The following SCGN variants were observed in gnomAD, a reference collection of about 807,000 sequenced individuals.
The protein encoded by SCGN is secretagogin, EF-hand calcium binding protein, also known as secretagogin.
Under a neutral mutation model 39.7 loss-of-function variants are expected in SCGN, and 30 were observed. The observed-to-expected ratio is 0.76, with a 90% CI of 0.57 to 1.03. The LOEUF (loss-of-function observed/expected upper bound fraction) is 1.03. Ranked by LOEUF, SCGN falls within the 50% of genes least tolerant of loss-of-function variation. The pLI is 0.00. For synonymous variants in SCGN, 106 were observed against 114.1 expected (o/e 0.93, Z 0.45); for missense variants, 353 against 349.4 (o/e 1.01, Z -0.08).
chr6:25,660,250 TG>T (rs1760313878), intron 2 of SCGN, among the ~76,000 whole-genome samples: 1 of 152,228 alleles, frequency 6.6e-6, no homozygotes, highest in Admixed American at 6.5e-5. Context: ...ATGTGGCAGC[TG>T]TTAATTCCCC....
At chr6:25,698,286 A>C (rs1375680045) in intron 10 of SCGN, among the ~76,000 whole-genome samples, 3 of 152,180 alleles carry the variant, frequency 2.0e-5, no homozygotes, top group Admixed American at 1.3e-4. Context: ...ATACACCAAA[A>C]ATATTTTCTA....
chr6:25,670,393 C>G (rs912574734), intron 6 of SCGN, among the ~76,000 whole-genome samples: 8 of 152,306 alleles, frequency 5.3e-5, no homozygotes, highest in East Asian at 1.9e-4. Flanking sequence ...AACAAGTAAA[C>G]ATGGACTTAG....
intron 6 of SCGN, among the ~76,000 whole-genome samples, chr6:25,680,002 A>C (rs1166497528): frequency 1.3e-5 from 2 of 152,104 alleles, no homozygotes; most frequent in Non-Finnish European, 2.9e-5. Context: ...CTTCTTAAAC[A>C]ACCTACTTCA....
At position 25,652,284 on chromosome 6, in the gene SCGN, C is replaced by T. The variant is rs1760146833; in HGVS notation, c.-120C>T. 1 of 807,336 alleles carries T rather than the reference C, an allele frequency of 1.2e-6. No individual in the cohort carries two copies. Among genetic ancestry groups the T allele is most frequent in the Non-Finnish European group, 2.1e-6 (1 of 478,418 alleles). The allele number at this position is 807,336 out of a possible 1,614,324, so 50.0% of individuals were successfully genotyped here. ...CTCGCGTCCTCCCCAGCAACAGTTA[C>T]TCAAAGCTAATCAGATAGCGAAAGA... On this transcript the variant is annotated 5_prime_UTR_variant, in exon 1 of 11. Transcript: ENST00000377961.
At chr6:25,655,665 A>AT (rs75709648) in intron 2 of SCGN, among the ~76,000 whole-genome samples, 38,425 of 151,690 alleles carry the variant, frequency 0.25, 4,882 homozygotes, top group Non-Finnish European at 0.27. Context: ...TGAGAATTAT[A>AT]TTTTTTTGTT....
intron 2 of SCGN, among the ~76,000 whole-genome samples, chr6:25,657,134 C>A (rs918187443): frequency 6.6e-6 from 1 of 152,102 alleles, no homozygotes; most frequent in Non-Finnish European, 1.5e-5. Flanking sequence ...TTAATCCCAC[C>A]ACGATTAGTG....
Position 25,664,994 on chromosome 6 carries a change from C to T in SCGN, c.298C>T (p.Arg100Trp), listed in dbSNP as rs567158105. 135 of 1,613,904 alleles carry T rather than the reference C, an allele frequency of 8.4e-5. 2 individuals are homozygous for T. The highest frequency in any genetic ancestry group is 7.0e-4 in the South Asian group (64 of 91,066). Residue 100 changes from arginine to tryptophan, a missense_variant, in exon 4 of 11, where the codon CGG becomes TGG. Arg to Trp is a moderately radical substitution (Grantham distance 101). Transcript: ENST00000377961. ...EDENFLLLFR[R>W]ENPLDSSVEF... ...TGAAAACTTTCTTCTGCTCTTTCGC[C>T]GGGAAAACCCACTGGACAGCAGCGT...
Position 25,652,473 on chromosome 6 carries a change from T to C in SCGN, c.70T>C (p.Phe24Leu). Reference sequence around the variant, plus strand: ...TGGCTTCTGGCAGGTCTGGCAGCGCTTTGATGCGGATGGTGAGTAGAACAA... The same window carrying C: ...TGGCTTCTGGCAGGTCTGGCAGCGCCTTGATGCGGATGGTGAGTAGAACAA... ...AAGFWQVWQR[F>L]DADEKGYIEE... The change falls in exon 1 of 11, where the codon TTT becomes CTT. Residue 24 changes from phenylalanine (F) to leucine (L), a missense_variant. Coordinates refer to ENST00000377961, the MANE Select transcript of SCGN (RefSeq NM_006998.4). 2 of 1,614,000 alleles carry C rather than the reference T, an allele frequency of 1.2e-6. No individual in the cohort carries two copies. Among genetic ancestry groups the C allele is most frequent in the African/African-American group, 1.3e-5 (1 of 75,040 alleles).
At chr6:25,692,699 G>A (rs1489186168) in intron 10 of SCGN, among the ~76,000 whole-genome samples, 1 of 152,224 alleles carries the variant, frequency 6.6e-6, no homozygotes, top group African/African-American at 2.4e-5. Flanking sequence ...GGCTGTGGGA[G>A]GCAGCTGGGC....
rs115782981 is a variant in SCGN at position 25,670,995 on chromosome 6, C to G, written c.471+919C>G. Among the ~76,000 whole-genome samples the G allele has an allele frequency of 6.3e-3, 965 of 152,192 alleles. 5 individuals carry two copies. Among genetic ancestry groups the G allele is most frequent in the Middle Eastern group, 0.031 (9 of 294 alleles). On this transcript the variant is annotated intron_variant, in intron 6 of 10. Coordinates refer to ENST00000377961, the MANE Select transcript of SCGN (RefSeq NM_006998.4). Reference sequence around the variant, plus strand: ...ATTAGTAAGCAAGGAAATTTGCTGACAAAGCCTTAATTACTTGTAGGATTG... The same window carrying G: ...ATTAGTAAGCAAGGAAATTTGCTGAGAAAGCCTTAATTACTTGTAGGATTG...
At chr6:25,664,736 T>A (rs544239603) in intron 3 of SCGN, among the ~76,000 whole-genome samples, 1 of 152,192 alleles carries the variant, frequency 6.6e-6, no homozygotes, top group Non-Finnish European at 1.5e-5. Flanking sequence ...TAGTGATTTA[T>A]ACTTAGTAGG....
intron 7 of SCGN, among the ~76,000 whole-genome samples, chr6:25,687,525 A>G (rs181382960): frequency 6.6e-6 from 1 of 152,082 alleles, no homozygotes; most frequent in South Asian, 2.1e-4. Flanking sequence ...TTTTATATTA[A>G]TCTGGTATTC....
chr6:25,676,680 A>T (rs958760739), intron 6 of SCGN, among the ~76,000 whole-genome samples: 37 of 151,948 alleles, frequency 2.4e-4, no homozygotes, highest in Admixed American at 5.9e-4. Flanking sequence ...ATGCTACTTA[A>T]TTTTTCCTCC....
chr6:25,700,263 T>A (rs1450087713), intron 10 of SCGN, among the ~76,000 whole-genome samples: 15 of 92,260 alleles, frequency 1.6e-4, no homozygotes, highest in East Asian at 6.4e-4. Flanking sequence ...AAAAAAAAAA[T>A]TTTGGGCCAG....
intron 6 of SCGN, among the ~76,000 whole-genome samples, chr6:25,675,282 C>T (rs544041851): frequency 1.3e-5 from 2 of 152,308 alleles, no homozygotes; most frequent in South Asian, 2.1e-4. Flanking sequence ...AGAAGTACAA[C>T]AAAGGTCATA....
At chr6:25,689,092 TCC>T (rs1173699845) in intron 7 of SCGN, 78 bp from the exon 8 acceptor site, 1 of 945,924 alleles carries the variant, frequency 1.1e-6, no homozygotes, top group Non-Finnish European at 1.6e-6. Context: ...GCCTGTACTT[TCC>T]ACACACCAGG....
chr6:25,689,323 T>G, intron 8 of SCGN, 106 bp downstream of exon 8: 1 of 1,161,768 alleles, frequency 8.6e-7, no homozygotes, highest in Non-Finnish European at 1.3e-6. Context: ...CTTTTTAACT[T>G]ATTTAGAAAA....
intron 3 of SCGN, among the ~76,000 whole-genome samples, chr6:25,664,263 C>A (rs1760390867): frequency 6.6e-6 from 1 of 152,164 alleles, no homozygotes. Flanking sequence ...AGCTAACACT[C>A]AAGTATCAAG....
At chr6:25,684,062 C>T (rs907236865) in intron 7 of SCGN, among the ~76,000 whole-genome samples, 3 of 152,176 alleles carry the variant, frequency 2.0e-5, no homozygotes, top group Non-Finnish European at 4.4e-5. Flanking sequence ...GCCCTATGTA[C>T]AAAATGCTAG....
Sources: gnomAD v4.1 joint callset for allele counts (sites outside exome capture counted in the v4.1 genomes callset) on GRCh38, gnomAD v4.1.1 for gene constraint, MANE v1.5 for transcripts, NCBI Gene and HGNC (gene_info 2026-07-23, HGNC 2026-07-21) for gene names.